The following ACACB variants were observed in gnomAD, a reference collection of about 807,000 sequenced individuals.
The protein encoded by ACACB is acetyl-CoA carboxylase 2.
In ACACB, 209 loss-of-function variants were observed where a neutral mutation model predicts 278.8. The observed-to-expected ratio is 0.75, with a 90% confidence interval of 0.67 to 0.84. ACACB has a LOEUF of 0.84. ACACB is among the 40% of genes least tolerant of loss of function. ACACB has a pLI of 0.00. For missense variants in ACACB, 2,850 were observed against 3,269.0 expected (o/e 0.87, Z 3.13); for synonymous variants, 1,174 against 1,285.6 (o/e 0.91, Z 1.86).
chr12:109,223,723 C>G, intron 26 of ACACB, 92 bp from the exon 27 acceptor site: 1 of 1,197,680 alleles, frequency 8.3e-7, no homozygotes, highest in Non-Finnish European at 1.2e-6. Flanking sequence ...GATCACACCA[C>G]TGCACTCCAG....
At chr12:109,174,793 C>G (rs1336109689) in intron 7 of ACACB, among the ~76,000 whole-genome samples, 1 of 152,078 alleles carries the variant, frequency 6.6e-6, no homozygotes, top group Admixed American at 6.6e-5. Context: ...TGGCTTGAGC[C>G]TAGGAGGTCG....
chr12:109,257,356 A>G (rs1282563257), intron 45 of ACACB, among the ~76,000 whole-genome samples: 3 of 152,006 alleles, frequency 2.0e-5, no homozygotes, highest in Non-Finnish European at 4.4e-5. Context: ...CCATGTGAAA[A>G]CACTTTGATT....
At chr12:109,169,076 C>T (rs1297472804) in intron 4 of ACACB, among the ~76,000 whole-genome samples, 1 of 134,254 alleles carries the variant, frequency 7.4e-6, no homozygotes, top group East Asian at 2.4e-4. Context: ...ATCCAGGAGG[C>T]GGAGGTTGCA....
chr12:109,136,971 GT>G (rs1468607718), intron 1 of ACACB, among the ~76,000 whole-genome samples: 1 of 152,220 alleles, frequency 6.6e-6, no homozygotes, highest in South Asian at 2.1e-4. Context: ...GATGTTAGCT[GT>G]GGATTTTTCA....
intron 2 of ACACB, among the ~76,000 whole-genome samples, chr12:109,155,487 T>C (rs1176580771): frequency 2.0e-5 from 3 of 152,192 alleles, no homozygotes; most frequent in Non-Finnish European, 4.4e-5. Flanking sequence ...GTGTCTGTTG[T>C]TGACAATTCA....
At chr12:109,168,060 C>T in intron 4 of ACACB, 26 bp downstream of exon 4, 25 of 1,581,888 alleles carry the variant, frequency 1.6e-5, no homozygotes, top group Non-Finnish European at 2.2e-5. Context: ...CCCTCTCCTC[C>T]CATCACGCTC....
intron 2 of ACACB, among the ~76,000 whole-genome samples, chr12:109,150,982 C>CTT (rs201382181): frequency 0.13 from 18,129 of 137,188 alleles, 1,411 homozygotes; most frequent in African/African-American, 0.19. Context: ...TTTTTTCTTT[C>CTT]TTTTTTTTTT....
intron 1 of ACACB, among the ~76,000 whole-genome samples, chr12:109,119,141 G>A (rs1435918484): frequency 1.3e-5 from 2 of 152,172 alleles, no homozygotes; most frequent in Non-Finnish European, 2.9e-5. Flanking sequence ...AGGAAACCAA[G>A]GTTCAGAGAA....
intron 24 of ACACB, among the ~76,000 whole-genome samples, chr12:109,217,929 A>T (rs1352144832): frequency 6.6e-6 from 1 of 152,240 alleles, no homozygotes; most frequent in Non-Finnish European, 1.5e-5. Context: ...GTGCTTTCCA[A>T]ATAAATAGTT....
At chr12:109,190,383 T>C (rs2044826674) in intron 13 of ACACB, among the ~76,000 whole-genome samples, 2 of 152,176 alleles carry the variant, frequency 1.3e-5, no homozygotes, top group Admixed American at 1.3e-4. Context: ...CCACTGCACC[T>C]GGCCTGAGGT....
At chr12:109,187,369 C>T (rs2044698045) in intron 12 of ACACB, among the ~76,000 whole-genome samples, 1 of 152,152 alleles carries the variant, frequency 6.6e-6, no homozygotes. Flanking sequence ...CACTCAGCTC[C>T]ATCAATCATC....
At position 109,174,133 on chromosome 12, in the gene ACACB, C is replaced by G. The variant is rs748787208; in HGVS notation, c.1119C>G (p.Gly373=). ...CCCTTCTTGTCCCCGATTCCTCAGG[C>G]CCTCCCAGTGAGGCCATGTGGGCCT... The part of the protein sequence containing the change: ...LLCKNGVAFL[G]PPSEAMWALG... Residue 373 remains glycine, a splice_region_variant and synonymous_variant, in exon 7 of 53, where the codon GGC becomes GGG. Transcript: ENST00000338432. 31 of 1,610,092 alleles carry G rather than the reference C, an allele frequency of 1.9e-5. No individual in the cohort carries two copies. The highest frequency in any genetic ancestry group is 2.5e-5 in the Non-Finnish European group (30 of 1,178,464).
chr12:109,247,075 C>T (rs1004353413), intron 39 of ACACB, among the ~76,000 whole-genome samples: 1 of 151,850 alleles, frequency 6.6e-6, no homozygotes, highest in African/African-American at 2.4e-5. Flanking sequence ...GAGTGAGACC[C>T]CCCATCTCAA....
In ACACB at chr12:109,176,192, T is replaced by G; in HGVS notation, c.1366T>G (p.Ser456Ala). 1 of 1,614,186 alleles carries G rather than the reference T, an allele frequency of 6.2e-7. No individual in the cohort carries two copies. Among genetic ancestry groups the G allele is most frequent in the Non-Finnish European group, 8.5e-7 (1 of 1,180,032 alleles). ...TGGTTTTCCATTGATGATCAAAGCT[T>G]CTGAAGGTGGCGGAGGGAAGGGAAT... ...RIGFPLMIKA[S>A]EGGGGKGIRK... Residue 456 changes from serine to alanine, a missense_variant, in exon 9 of 53, where the codon TCT becomes GCT. Transcript: ENST00000338432.
intron 40 of ACACB, 86 bp from the exon 41 acceptor site, chr12:109,249,898 C>T: frequency 1.3e-6 from 2 of 1,487,492 alleles, no homozygotes; most frequent in East Asian, 2.4e-5. Context: ...CACCTTGCTG[C>T]CCAGTCAGTC....
At chr12:109,250,258 C>T (rs1326531806) in intron 41 of ACACB, among the ~76,000 whole-genome samples, 154 bp downstream of exon 41, 1 of 152,192 alleles carries the variant, frequency 6.6e-6, no homozygotes, top group African/African-American at 2.4e-5. Flanking sequence ...TTTCCTCAAT[C>T]TCACCCCCAT....
At chr12:109,149,573 G>T (rs891250002) in intron 2 of ACACB, among the ~76,000 whole-genome samples, 1 of 152,174 alleles carries the variant, frequency 6.6e-6, no homozygotes, top group African/African-American at 2.4e-5. Flanking sequence ...AACAGAGCAA[G>T]ACCCTATCTC....
At chr12:109,228,417 G>T (rs1162897118) in intron 28 of ACACB, among the ~76,000 whole-genome samples, 4 of 151,806 alleles carry the variant, frequency 2.6e-5, no homozygotes, top group Admixed American at 6.6e-5. Flanking sequence ...ACTTCGGAGG[G>T]CTGAAGGGGG....
At chr12:109,147,173 T>G (rs898133919) in intron 2 of ACACB, among the ~76,000 whole-genome samples, 13 of 152,186 alleles carry the variant, frequency 8.5e-5, no homozygotes, top group African/African-American at 2.9e-4. Flanking sequence ...TCAATCACTC[T>G]GATTAGTTGT....
Sources: allele counts gnomAD v4.1 joint callset (sites outside exome capture counted in the v4.1 genomes callset), GRCh38; gene constraint gnomAD v4.1.1; transcripts MANE v1.5; gene names NCBI Gene and HGNC (gene_info 2026-07-23, HGNC 2026-07-21).